The following SCN9A variants were observed in gnomAD, a reference collection of about 807,000 sequenced individuals.
The protein encoded by SCN9A is sodium channel protein type 9 subunit alpha.
In SCN9A, 131 loss-of-function variants were observed where a neutral mutation model predicts 187.0. The ratio of observed to expected loss-of-function variants is 0.70; its 90% confidence interval spans 0.61 to 0.81. The LOEUF is 0.81. Ranked by LOEUF, SCN9A falls within the 30% of genes least tolerant of loss-of-function variation. The pLI, the probability that SCN9A is intolerant of heterozygous loss-of-function variation, is 0.00. For missense variants in SCN9A, 2,252 were observed against 2,396.6 expected, an observed-to-expected ratio of 0.94 and a Z score of 1.26; for synonymous variants, 809 against 808.6, an observed-to-expected ratio of 1.00 and a Z score of -0.01.
intron 1 of SCN9A, among the ~76,000 whole-genome samples, chr2:166,312,516 C>T (rs1347329789): frequency 2.0e-5 from 3 of 152,096 alleles, no homozygotes; most frequent in African/African-American, 4.8e-5. Context: ...GTATATTGCC[C>T]TCCTCCCACA....
intron 24 of SCN9A, among the ~76,000 whole-genome samples, chr2:166,222,885 C>A (rs566601899): frequency 1.6e-5 from 2 of 122,108 alleles, no homozygotes; most frequent in Non-Finnish European, 3.2e-5. Flanking sequence ...GAGTCGAGAT[C>A]GCGCCACTGC....
At chr2:166,372,484 T>C (rs992477851) in intron 1 of SCN9A, among the ~76,000 whole-genome samples, 1 of 152,198 alleles carries the variant, frequency 6.6e-6, no homozygotes, top group Non-Finnish European at 1.5e-5. Flanking sequence ...AAGGTTATCA[T>C]TTTAGATTTG....
At chr2:166,299,389 C>T (rs1367566623) in intron 7 of SCN9A, among the ~76,000 whole-genome samples, 2 of 150,874 alleles carry the variant, frequency 1.3e-5, no homozygotes, top group East Asian at 3.9e-4. Flanking sequence ...TCTCTGATGA[C>T]TTCCCTGTTA....
intron 21 of SCN9A, among the ~76,000 whole-genome samples, chr2:166,229,184 T>C (rs1442474070): frequency 6.6e-6 from 1 of 152,146 alleles, no homozygotes; most frequent in East Asian, 1.9e-4. Flanking sequence ...AACTCTGTGA[T>C]CACCAGGCTT....
At chr2:166,308,850 C>T (rs1421344009) in intron 2 of SCN9A, among the ~76,000 whole-genome samples, 9 of 140,960 alleles carry the variant, frequency 6.4e-5, no homozygotes, top group Non-Finnish European at 4.5e-5. Flanking sequence ...GGCGTGAACC[C>T]GGGAGGCGGA....
intron 12 of SCN9A, 86 bp from the exon 13 acceptor site, chr2:166,281,894 T>C (rs1390068780): frequency 8.0e-7 from 1 of 1,251,536 alleles, no homozygotes; most frequent in Non-Finnish European, 1.1e-6. Context: ...ATAGCTGTAG[T>C]GAGTAATTAA....
chr2:166,311,356 A>ATATG (rs1698945039), intron 2 of SCN9A, 143 bp downstream of exon 2: 1 of 107,678 alleles, frequency 9.3e-6, no homozygotes, highest in Non-Finnish European at 1.9e-5. Flanking sequence ...ATATATATAT[A>ATATG]TATATATATA....
Position 166,226,696 on chromosome 2 carries a change from C to CT in SCN9A, c.4268dup (p.Gln1424AlafsTer5). 6.4e-7 allele frequency: 1 copy of CT among 1,558,630 alleles called. No individual in the cohort carries two copies. The highest frequency in any genetic ancestry group is 8.6e-7 in the Non-Finnish European group (1 of 1,156,888). ...AGAGGCTATATTCATATTTGGGCTG[C>CT]TTGTCTACCTATAAAATTTACAAAA... On this transcript the variant is annotated frameshift_variant, in exon 24 of 27. Transcript: ENST00000642356. LOFTEE classifies it high-confidence loss of function.
At chr2:166,295,478 C>T (rs1698258621) in intron 7 of SCN9A, among the ~76,000 whole-genome samples, 1 of 152,038 alleles carries the variant, frequency 6.6e-6, no homozygotes, top group South Asian at 2.1e-4. Context: ...GCCTATTGCT[C>T]CTGGGCTGCA....
At chr2:166,304,389 C>A in intron 5 of SCN9A, 60 bp from the exon 6 acceptor site, 1 of 1,438,640 alleles carries the variant, frequency 7.0e-7, no homozygotes, top group Admixed American at 1.8e-5. Flanking sequence ...CTTACCTGAG[C>A]CTTTAGTCAA....
chr2:166,333,309 TTTC>T (rs1281399994), intron 1 of SCN9A, among the ~76,000 whole-genome samples: 4 of 152,272 alleles, frequency 2.6e-5, no homozygotes, highest in Admixed American at 6.5e-5. Context: ...AAATTAGAGA[TTTC>T]TTTTCTGAAA....
chr2:166,345,841 T>C (rs1402747220), intron 1 of SCN9A, among the ~76,000 whole-genome samples: 1 of 152,162 alleles, frequency 6.6e-6, no homozygotes, highest in Non-Finnish European at 1.5e-5. Context: ...AGAGAATATC[T>C]TCTAACGATA....
chr2:166,310,357 C>T lies in SCN9A; in HGVS notation c.258+1142G>A. Reference sequence around the variant, plus strand: ...CAATTTTCGCAACCTACTCATCTGACAAAAGGCTAATATCCAGAATCTACA... The same window carrying T: ...CAATTTTCGCAACCTACTCATCTGATAAAAGGCTAATATCCAGAATCTACA... On this transcript the variant is annotated intron_variant, in intron 2 of 26. Transcript: ENST00000642356. 4.9e-5 allele frequency among the ~76,000 whole-genome samples: 4 copies of T among 82,454 alleles called. 2 individuals carry two copies. 54.1% of individuals were successfully genotyped at this position (82,454 alleles called of 152,430 possible).
At chr2:166,239,963 G>A (rs1365262034) in intron 19 of SCN9A, among the ~76,000 whole-genome samples, 1 of 152,072 alleles carries the variant, frequency 6.6e-6, no homozygotes. Flanking sequence ...AGGACTTAAC[G>A]CTTTACTGTT....
rs1574868771 is a variant in SCN9A, at chr2:166,286,709, A to G, written c.1315-86T>C. 15 of 1,039,426 alleles carry G rather than the reference A, an allele frequency of 1.4e-5. No individual in the cohort carries two copies. In the East Asian group the frequency reaches 3.5e-4, roughly 24 times the overall value. The allele number at this position is 1,039,426 out of a possible 1,614,324, so 64.4% of individuals were successfully genotyped here. The stretch of plus-strand genomic sequence containing the variant: ...GACAGGACATCTTTCACCTATTAGC[A>G]TAACAACATGGTGCATATAATCATG... On this transcript the variant is annotated intron_variant, in intron 10 of 26. Transcript: ENST00000642356.
At chr2:166,356,516 T>C (rs1478958559) in intron 1 of SCN9A, among the ~76,000 whole-genome samples, 1 of 152,204 alleles carries the variant, frequency 6.6e-6, no homozygotes, top group African/African-American at 2.4e-5. Flanking sequence ...AGCATTCTTA[T>C]ATTTATTTTT....
intron 1 of SCN9A, among the ~76,000 whole-genome samples, chr2:166,324,273 A>G (rs547017479): frequency 6.6e-6 from 1 of 152,042 alleles, no homozygotes; most frequent in South Asian, 2.1e-4. Context: ...AGCCTGAACC[A>G]GAGAGCGGGA....
chr2:166,255,482 C>CTAGT (rs112866344), intron 17 of SCN9A, among the ~76,000 whole-genome samples: 132,628 of 150,796 alleles, frequency 0.88, 58,384 homozygotes, highest in East Asian at 0.95. Flanking sequence ...ATGGTTAATG[C>CTAGT]TAGTTATTTA....
chr2:166,345,921 A>T (rs1367877385), intron 1 of SCN9A, among the ~76,000 whole-genome samples: 1 of 152,218 alleles, frequency 6.6e-6, no homozygotes, highest in Non-Finnish European at 1.5e-5. Flanking sequence ...TTCCAATATT[A>T]CTGAAAAACA....
Sources: allele counts gnomAD v4.1 joint callset (sites outside exome capture counted in the v4.1 genomes callset), GRCh38; gene constraint gnomAD v4.1.1; transcripts MANE v1.5; gene names NCBI Gene and HGNC (gene_info 2026-07-23, HGNC 2026-07-21).